The following TNFAIP8 variants were observed in gnomAD, a reference collection of about 807,000 sequenced individuals.
The protein encoded by TNFAIP8 is tumor necrosis factor alpha-induced protein 8.
In TNFAIP8, 7 loss-of-function variants were observed where a neutral mutation model predicts 13.3. The observed-to-expected ratio is 0.52, with a 90% CI of 0.30 to 0.99. TNFAIP8 has a LOEUF of 0.99. TNFAIP8 is among the 50% of genes least tolerant of loss of function. TNFAIP8 has a pLI of 0.07. For missense variants in TNFAIP8, 258 were observed against 236.9 expected, an observed-to-expected ratio of 1.09 and a Z score of -0.58; for synonymous variants, 94 against 87.6, an observed-to-expected ratio of 1.07 and a Z score of -0.41.
intron 1 of TNFAIP8, among the ~76,000 whole-genome samples, chr5:119,364,258 G>A (rs926976112): frequency 1.3e-5 from 2 of 152,166 alleles, no homozygotes; most frequent in Admixed American, 1.3e-4. Context: ...GGCTTATTAT[G>A]AGTAACAAAA....
At chr5:119,325,295 G>T (rs942944261) in intron 1 of TNFAIP8, among the ~76,000 whole-genome samples, 3 of 152,100 alleles carry the variant, frequency 2.0e-5, no homozygotes, top group African/African-American at 7.2e-5. Flanking sequence ...TAAGGTTTTT[G>T]ATCTTTATTG....
intron 1 of TNFAIP8, among the ~76,000 whole-genome samples, chr5:119,341,982 C>T (rs1350345996): frequency 2.1e-5 from 3 of 143,206 alleles, no homozygotes; most frequent in African/African-American, 9.1e-5. Flanking sequence ...TTCTCCCTAC[C>T]CTTGTAACAG....
upstream of TNFAIP8, among the ~76,000 whole-genome samples, chr5:119,351,111 C>T (rs925904662): frequency 3.3e-5 from 5 of 152,052 alleles, no homozygotes; most frequent in Admixed American, 6.5e-5. Context: ...TAGCCTTGAA[C>T]TCCTGGGCAA....
At chr5:119,355,434 T>C (rs1353138438), upstream of TNFAIP8, 38 of 697,322 alleles carry the variant, frequency 5.4e-5, no homozygotes, top group Non-Finnish European at 1.0e-5. Context: ...AAGGCCCCGC[T>C]CTGGGACTTG....
intron 1 of TNFAIP8, among the ~76,000 whole-genome samples, chr5:119,356,519 G>C (rs892262445): frequency 6.6e-6 from 1 of 152,164 alleles, no homozygotes; most frequent in African/African-American, 2.4e-5. Flanking sequence ...TTGAAAAGGG[G>C]TTTGAGAAAT....
chr5:119,388,630 T>TTTTCTTTTC lies in TNFAIP8; in HGVS notation c.32-4183_32-4182insCTTTTCTTT, dbSNP rs1562035304. Among the ~76,000 whole-genome samples, 3 of 150,596 alleles carry TTTTCTTTTC rather than the reference T, an allele frequency of 2.0e-5. No individual in the cohort carries two copies. The East Asian group carries it at 5.8e-4, about 29-fold the overall frequency. On this transcript the variant is annotated intron_variant, in intron 1 of 1. Coordinates refer to ENST00000504771, the MANE Select transcript of TNFAIP8 (RefSeq NM_014350.4). ...AAAGAACTTACATGAAGCATCTTTT[T>TTTTCTTTTC]TTTTCTTTTCTTTTCTTTTCTTTTC...
intron 1 of TNFAIP8, among the ~76,000 whole-genome samples, chr5:119,383,637 G>T (rs1243280985): frequency 1.3e-5 from 2 of 152,128 alleles, no homozygotes; most frequent in African/African-American, 2.4e-5. Context: ...TCTTTGCACT[G>T]CTCAGTATCT....
At chr5:119,326,858 G>C (rs1394259673) in intron 1 of TNFAIP8, among the ~76,000 whole-genome samples, 1 of 152,140 alleles carries the variant, frequency 6.6e-6, no homozygotes, top group Non-Finnish European at 1.5e-5. Flanking sequence ...GGGAAGATGA[G>C]ATATGGAGCC....
intron 1 of TNFAIP8, among the ~76,000 whole-genome samples, chr5:119,329,521 C>G (rs777588173): frequency 2.2e-4 from 34 of 152,138 alleles, no homozygotes; most frequent in South Asian, 4.1e-4. Context: ...GGTGTTCTTC[C>G]TATTTTCCAC....
At chr5:119,310,733 G>A (rs6884625) in intron 1 of TNFAIP8, among the ~76,000 whole-genome samples, 116,449 of 152,020 alleles carry the variant, frequency 0.77, 46,421 homozygotes, top group East Asian at 0.95. Flanking sequence ...AGGCTGAGGC[G>A]GGAGAATTGC....
At chr5:119,384,899 T>C (rs1469914945) in intron 1 of TNFAIP8, among the ~76,000 whole-genome samples, 2 of 151,798 alleles carry the variant, frequency 1.3e-5, no homozygotes, top group Non-Finnish European at 2.9e-5. Context: ...GTTAGAGGAG[T>C]TGAAACTCAG....
At chr5:119,388,617 T>C (rs1752770560) in intron 1 of TNFAIP8, among the ~76,000 whole-genome samples, 1 of 151,548 alleles carries the variant, frequency 6.6e-6, no homozygotes, top group South Asian at 2.1e-4. Flanking sequence ...AGAACTTACA[T>C]GAAGCATCTT....
At chr5:119,270,984 G>C (rs1748277169) in intron 1 of TNFAIP8, among the ~76,000 whole-genome samples, 1 of 152,194 alleles carries the variant, frequency 6.6e-6, no homozygotes, top group African/African-American at 2.4e-5. Context: ...AAGTTGGTGT[G>C]AGTTGAGAAA....
At chr5:119,346,182 C>G (rs985154506) in intron 1 of TNFAIP8, among the ~76,000 whole-genome samples, 8 of 152,144 alleles carry the variant, frequency 5.3e-5, no homozygotes, top group Non-Finnish European at 1.0e-4. Context: ...CTAAGGAAAG[C>G]TATTCATGTG....
intron 1 of TNFAIP8, among the ~76,000 whole-genome samples, chr5:119,327,913 T>C (rs961858607): frequency 2.6e-5 from 4 of 152,272 alleles, no homozygotes; most frequent in Admixed American, 2.6e-4. Flanking sequence ...TGTCCAACTC[T>C]AAGCTGTTAC....
rs1753045793 is a variant in TNFAIP8 at position 119,395,233 on chromosome 5, A to AGCT, written c.*1853_*1855dup. 1 of 152,242 alleles carries AGCT rather than the reference A, an allele frequency of 6.6e-6. No homozygotes were observed. The highest frequency in any genetic ancestry group is 1.5e-5 in the Non-Finnish European group (1 of 68,052). 9.4% of individuals were successfully genotyped at this position (152,242 alleles called of 1,614,324 possible). A position where few individuals can be genotyped will look rare whatever the true frequency, so the allele number is the denominator to read the frequency against. On this transcript the variant is annotated 3_prime_UTR_variant, in exon 2 of 2. Coordinates refer to ENST00000504771, the MANE Select transcript of TNFAIP8 (RefSeq NM_014350.4). Reference sequence around the variant, plus strand: ...CAGTGACTACAGAAATGACCCTTCTAGCTTCATAACTTGCTAAGTGGCTTA... The same window carrying AGCT: ...CAGTGACTACAGAAATGACCCTTCTAGCTGCTTCATAACTTGCTAAGTGGCTTA...
At chr5:119,332,564 A>G (rs1176790742) in intron 1 of TNFAIP8, among the ~76,000 whole-genome samples, 1 of 152,322 alleles carries the variant, frequency 6.6e-6, no homozygotes, top group East Asian at 1.9e-4. Context: ...TAGATAAACA[A>G]CTGAAGATAA....
chr5:119,332,169 CTT>C (rs1264544175), intron 1 of TNFAIP8, among the ~76,000 whole-genome samples: 1 of 152,158 alleles, frequency 6.6e-6, no homozygotes, highest in East Asian at 1.9e-4. Flanking sequence ...TTTGGTATCT[CTT>C]TTGGCCTCCT....
At chr5:119,366,810 G>A (rs1445397244) in intron 1 of TNFAIP8, among the ~76,000 whole-genome samples, 3 of 152,178 alleles carry the variant, frequency 2.0e-5, no homozygotes, top group Non-Finnish European at 2.9e-5. Flanking sequence ...TGGCTTACTT[G>A]GCCATAGCTC....
Sources: allele counts gnomAD v4.1 joint callset (sites outside exome capture counted in the v4.1 genomes callset), GRCh38; gene constraint gnomAD v4.1.1; transcripts MANE v1.5; gene names NCBI Gene and HGNC (gene_info 2026-07-23, HGNC 2026-07-21).